The following CNTNAP2 variants were observed in gnomAD, a reference collection of about 807,000 sequenced individuals.
The protein encoded by CNTNAP2 is contactin associated protein 2.
A neutral mutation model predicts 155.2 loss-of-function variants in CNTNAP2; 98 were observed. That is an observed-to-expected ratio of 0.63 (90% CI 0.54 to 0.75). CNTNAP2 has a LOEUF of 0.75. Ranked by LOEUF, CNTNAP2 falls within the 30% of genes least tolerant of loss-of-function variation. CNTNAP2 has a pLI of 0.00. For missense variants in CNTNAP2, 1,727 were observed against 1,688.1 expected (o/e 1.02, Z -0.40); for synonymous variants, 651 against 631.2 (o/e 1.03, Z -0.47).
At chr7:147,721,716 A>C (rs1796570496) in intron 13 of CNTNAP2, among the ~76,000 whole-genome samples, 1 of 152,068 alleles carries the variant, frequency 6.6e-6, no homozygotes, top group African/African-American at 2.4e-5. Flanking sequence ...ATCCTGGAGG[A>C]AAACAGGAAA....
chr7:146,802,054 G>T (rs933143637), intron 2 of CNTNAP2, among the ~76,000 whole-genome samples: 2 of 152,106 alleles, frequency 1.3e-5, no homozygotes, highest in Non-Finnish European at 2.9e-5. Flanking sequence ...AATTATATTT[G>T]TTTTCTGTTG....
At chr7:147,515,142 TGTG>T (rs1799096411) in intron 11 of CNTNAP2, among the ~76,000 whole-genome samples, 1 of 152,084 alleles carries the variant, frequency 6.6e-6, no homozygotes, top group Non-Finnish European at 1.5e-5. Context: ...GGGCATGGCG[TGTG>T]CTGTTCTTCC....
chr7:147,283,013 A>G (rs996366278), intron 8 of CNTNAP2, among the ~76,000 whole-genome samples: 2 of 152,100 alleles, frequency 1.3e-5, no homozygotes, highest in Admixed American at 1.3e-4. Flanking sequence ...CTACTATGCC[A>G]TAGTCCACCA....
chr7:147,910,633 A>G (rs1800046072), intron 14 of CNTNAP2, among the ~76,000 whole-genome samples: 1 of 152,182 alleles, frequency 6.6e-6, no homozygotes, highest in Non-Finnish European at 1.5e-5. Flanking sequence ...CCTCACAATC[A>G]TGGCAGAAGG....
At chr7:147,868,659 T>G (rs1316296473) in intron 13 of CNTNAP2, among the ~76,000 whole-genome samples, 2 of 152,212 alleles carry the variant, frequency 1.3e-5, no homozygotes, top group Non-Finnish European at 2.9e-5. Context: ...TTCGTTTACC[T>G]ACTCAAGCCT....
At chr7:147,288,657 T>C (rs978691238) in intron 8 of CNTNAP2, among the ~76,000 whole-genome samples, 1 of 152,224 alleles carries the variant, frequency 6.6e-6, no homozygotes, top group Non-Finnish European at 1.5e-5. Flanking sequence ...CAAAGCCAGA[T>C]GAAATACAAC....
At chr7:146,505,199 A>C (rs865898058) in intron 1 of CNTNAP2, among the ~76,000 whole-genome samples, 8 of 152,218 alleles carry the variant, frequency 5.3e-5, no homozygotes, top group African/African-American at 1.9e-4. Context: ...GTGCCAGGGC[A>C]AGACATCCCC....
intron 13 of CNTNAP2, among the ~76,000 whole-genome samples, chr7:147,733,562 A>G (rs1796783102): frequency 1.3e-5 from 2 of 152,178 alleles, no homozygotes; most frequent in Admixed American, 6.5e-5. Context: ...GAAGAAAGTC[A>G]TTGGTTGCTT....
At chr7:148,090,070 A>G (rs1300675744) in intron 15 of CNTNAP2, among the ~76,000 whole-genome samples, 1 of 151,980 alleles carries the variant, frequency 6.6e-6, no homozygotes, top group Non-Finnish European at 1.5e-5. Context: ...GTGTGAAACT[A>G]GGCTCTCATT....
intron 15 of CNTNAP2, among the ~76,000 whole-genome samples, chr7:148,068,664 C>G (rs1405832811): frequency 1.3e-5 from 2 of 152,158 alleles, no homozygotes; most frequent in Admixed American, 6.5e-5. Context: ...CAGCCCTTTT[C>G]TAGGGCTGAT....
At chr7:148,099,019 C>T (rs1804035298) in intron 15 of CNTNAP2, among the ~76,000 whole-genome samples, 2 of 152,150 alleles carry the variant, frequency 1.3e-5, no homozygotes, top group Non-Finnish European at 2.9e-5. Context: ...TTTACGAGAA[C>T]AGCCGGGGAC....
intron 5 of CNTNAP2, among the ~76,000 whole-genome samples, chr7:147,117,105 C>T (rs753574087): frequency 6.6e-6 from 1 of 152,172 alleles, no homozygotes; most frequent in Non-Finnish European, 1.5e-5. Flanking sequence ...CATTCGGCTC[C>T]CTGGATTCTG....
intron 8 of CNTNAP2, among the ~76,000 whole-genome samples, chr7:147,216,857 C>T (rs1788772245): frequency 6.6e-6 from 1 of 151,986 alleles, no homozygotes; most frequent in African/African-American, 2.4e-5. Context: ...TGATTTCTTT[C>T]ATCAGAATTT....
In CNTNAP2 at chr7:147,538,927, G is replaced by A. The variant is rs147824833; in HGVS notation, c.1778-23211G>A. 3.7e-3 allele frequency among the ~76,000 whole-genome samples: 558 copies of A among 152,130 alleles called. 7 individuals carry two copies. Among genetic ancestry groups the A allele is most frequent in the African/African-American group, 0.012 (518 of 41,500 alleles). ...AATGTAAGAAAAAAATTTTTGAACC[G>A]TCAGTACTCTTTGAAACTCTGTTTA... On this transcript the variant is annotated intron_variant, in intron 11 of 23. Coordinates refer to ENST00000361727, the MANE Select transcript of CNTNAP2 (RefSeq NM_014141.6).
chr7:146,808,093 GTTTAT>G (rs1026478952), intron 2 of CNTNAP2, among the ~76,000 whole-genome samples: 1 of 152,154 alleles, frequency 6.6e-6, no homozygotes, highest in Non-Finnish European at 1.5e-5. Context: ...TGGAGACTGA[GTTTAT>G]TACATGAGCG....
chr7:147,392,765 C>T (rs1796742509), intron 9 of CNTNAP2, among the ~76,000 whole-genome samples: 1 of 151,942 alleles, frequency 6.6e-6, no homozygotes, highest in Admixed American at 6.6e-5. Flanking sequence ...GCACAATTCA[C>T]AATTGCAAAA....
intron 10 of CNTNAP2, among the ~76,000 whole-genome samples, chr7:147,400,267 G>A (rs1292032032): frequency 1.3e-5 from 2 of 152,074 alleles, no homozygotes; most frequent in South Asian, 2.1e-4. Flanking sequence ...GGGGAGGGAC[G>A]GACATTGAGG....
chr7:147,526,094 AG>A (rs932271184), intron 11 of CNTNAP2, among the ~76,000 whole-genome samples: 3 of 150,882 alleles, frequency 2.0e-5, no homozygotes, highest in African/African-American at 7.3e-5. Context: ...CGAGAGGCTG[AG>A]GCAGGAGCAT....
rs1352850308 is a variant in CNTNAP2 at position 147,838,860 on chromosome 7, C to T, written c.2099-64705C>T. Among the ~76,000 whole-genome samples the T allele has an allele frequency of 7.2e-5, 11 of 152,246 alleles. No individual in the cohort carries two copies. The East Asian group carries it at 2.1e-3, about 29-fold the overall frequency. On this transcript the variant is annotated intron_variant, in intron 13 of 23. Transcript: ENST00000361727. The stretch of plus-strand genomic sequence containing the variant: ...GCTTCCACATTTTTTGGTATCTTTT[C>T]AGTAGGGCTCCACTCTACTTGTGCC...
Sources: allele counts gnomAD v4.1 joint callset (sites outside exome capture counted in the v4.1 genomes callset), GRCh38; gene constraint gnomAD v4.1.1; transcripts MANE v1.5; gene names NCBI Gene and HGNC (gene_info 2026-07-23, HGNC 2026-07-21).